MLLT3: variants seen among roughly 807,000 people sequenced by gnomAD.
MLLT3 encodes the protein MLLT3 super elongation complex subunit.
Under a neutral mutation model 53.2 loss-of-function variants are expected in MLLT3, and 4 were observed. The ratio of observed to expected loss-of-function variants is 0.08; its 90% CI spans 0.04 to 0.17. The LOEUF is 0.17. Ranked by LOEUF, MLLT3 falls within the 10% of genes least tolerant of loss-of-function variation. The probability of loss-of-function intolerance (pLI) is 1.00; values close to 1 mark genes in which losing one functional copy is unlikely to be tolerated. For missense variants in MLLT3, 569 were observed against 684.0 expected (o/e 0.83, Z 1.87); for synonymous variants, 283 against 230.6 (o/e 1.23, Z -2.06).
At position 20,599,834 on chromosome 9, in the gene MLLT3, G is replaced by A. The variant is rs192637786; in HGVS notation, c.193+20820C>T. ...TATTCATAGGCCACATGGACCATGG[G>A]CAAGTTAGTTAATCTTCAGTCTTGG... On this transcript the variant is annotated intron_variant, in intron 2 of 10. Transcript: ENST00000380338. Among the ~76,000 whole-genome samples, 632 of 152,300 alleles carry A rather than the reference G, an allele frequency of 4.1e-3. 4 individuals carry two copies. The highest frequency in any genetic ancestry group is 0.014 in the Middle Eastern group (4 of 294).
Position 20,465,762 on chromosome 9 carries a change from C to A in MLLT3, c.194-8976G>T, listed in dbSNP as rs111996741. On this transcript the variant is annotated intron_variant, in intron 2 of 10. Coordinates refer to ENST00000380338, the MANE Select transcript of MLLT3 (RefSeq NM_004529.4). ...TTGTGAGCTCTACTTCTTTTTCCCC[C>A]CTGCATGGCATTTGGCATAGTGGTA... 2.0e-5 allele frequency among the ~76,000 whole-genome samples: 3 copies of A among 152,060 alleles called. No individual in the cohort carries two copies. In the South Asian group the frequency reaches 6.2e-4, roughly 31 times the overall value.
intron 6 of MLLT3, among the ~76,000 whole-genome samples, chr9:20,363,859 T>C (rs1821385322): frequency 6.6e-6 from 1 of 152,172 alleles, no homozygotes; most frequent in South Asian, 2.1e-4. Context: ...TTTCTGTGTA[T>C]TTTTCTTCCC....
intron 4 of MLLT3, among the ~76,000 whole-genome samples, chr9:20,426,041 C>T (rs1427150176): frequency 6.6e-6 from 1 of 151,900 alleles, no homozygotes; most frequent in Admixed American, 6.6e-5. Flanking sequence ...CTTGTTTCAG[C>T]TATGTTGTAC....
At chr9:20,569,576 C>T (rs1015162636) in intron 2 of MLLT3, among the ~76,000 whole-genome samples, 1 of 152,132 alleles carries the variant, frequency 6.6e-6, no homozygotes, top group African/African-American at 2.4e-5. Flanking sequence ...TTATAATATG[C>T]TTGATATTTC....
intron 4 of MLLT3, among the ~76,000 whole-genome samples, chr9:20,415,753 T>C (rs1237558333): frequency 1.3e-5 from 2 of 152,064 alleles, no homozygotes; most frequent in African/African-American, 4.8e-5. Context: ...ATCTACTTAT[T>C]GGGTATATGC....
intron 2 of MLLT3, among the ~76,000 whole-genome samples, chr9:20,497,670 G>A (rs1193267696): frequency 8.5e-5 from 13 of 152,102 alleles, no homozygotes; most frequent in Admixed American, 8.5e-4. Flanking sequence ...GTTTTATGAT[G>A]TGGAATTTCC....
chr9:20,348,244 C>A (rs527448578), intron 10 of MLLT3, among the ~76,000 whole-genome samples: 2 of 152,012 alleles, frequency 1.3e-5, no homozygotes, highest in Non-Finnish European at 2.9e-5. Flanking sequence ...TTTTTATTAA[C>A]GGAAGGCCGT....
At chr9:20,581,676 A>G (rs1819796079) in intron 2 of MLLT3, among the ~76,000 whole-genome samples, 1 of 152,210 alleles carries the variant, frequency 6.6e-6, no homozygotes, top group African/African-American at 2.4e-5. Context: ...CAGTTGATGA[A>G]GCACCTTAAA....
At chr9:20,476,679 T>A (rs555781349) in intron 2 of MLLT3, among the ~76,000 whole-genome samples, 10 of 152,280 alleles carry the variant, frequency 6.6e-5, no homozygotes, top group African/African-American at 2.4e-4. Flanking sequence ...ACCAACCTTC[T>A]AAGGATTTAA....
At chr9:20,569,104 C>T (rs372543678) in intron 2 of MLLT3, among the ~76,000 whole-genome samples, 34 of 152,198 alleles carry the variant, frequency 2.2e-4, no homozygotes, top group African/African-American at 7.7e-4. Flanking sequence ...TCCATGCTCA[C>T]GACCAAGGGG....
At chr9:20,513,747 C>T (rs574663789) in intron 2 of MLLT3, among the ~76,000 whole-genome samples, 8 of 152,106 alleles carry the variant, frequency 5.3e-5, no homozygotes, top group Non-Finnish European at 1.0e-4. Context: ...ACTGAGGAAC[C>T]GGGAGGAGGC....
At chr9:20,363,696 A>G (rs1039300968) in intron 6 of MLLT3, 91 bp from the exon 7 acceptor site, 1 of 1,198,252 alleles carries the variant, frequency 8.3e-7, no homozygotes, top group Non-Finnish European at 1.1e-6. Flanking sequence ...CCAGCACTGA[A>G]CACTGGTTAA....
chr9:20,364,578 T>C (rs1448899828), intron 6 of MLLT3, among the ~76,000 whole-genome samples: 2 of 152,216 alleles, frequency 1.3e-5, no homozygotes, highest in African/African-American at 4.8e-5. Context: ...CAATCTCACA[T>C]TCTGCAAAAC....
intron 2 of MLLT3, among the ~76,000 whole-genome samples, chr9:20,606,429 G>A (rs623828): frequency 0.27 from 41,457 of 151,912 alleles, 5,911 homozygotes; most frequent in Non-Finnish European, 0.32. Flanking sequence ...TCACCCACCC[G>A]TACTTTTAAA....
chr9:20,523,830 G>T (rs900659864), intron 2 of MLLT3, among the ~76,000 whole-genome samples: 2 of 152,060 alleles, frequency 1.3e-5, no homozygotes, highest in Non-Finnish European at 2.9e-5. Flanking sequence ...AATTTGCCAG[G>T]CATTGTGGAG....
Position 20,363,572 on chromosome 9 carries a change from G to C in MLLT3, c.1235C>G (p.Ser412Cys), listed in dbSNP as rs748352339. Residue 412 changes from serine (S) to cysteine (C), a missense_variant, in exon 7 of 11, where the codon TCT (serine) becomes TGT (cysteine). Ser to Cys is a moderately radical substitution (Grantham distance 112). Around this residue, in one of 5 missense-constraint regions of MLLT3, gnomAD observed 437 missense variants for 376.5 expected, o/e 1.16. Transcript: ENST00000380338. ...ATCTGATTCCTCCTCATTGTCATCA[G>C]AATGCAGATCTTTCATTATAGACCT... ...PLRSIMKDLH[S>C]DDNEEESDEV... 25 of 1,613,924 alleles carry C rather than the reference G, an allele frequency of 1.5e-5. No individual in the cohort carries two copies. Among genetic ancestry groups the C allele is most frequent in the Non-Finnish European group, 2.1e-5 (25 of 1,179,954 alleles).
intron 2 of MLLT3, among the ~76,000 whole-genome samples, chr9:20,540,621 A>T (rs761472566): frequency 6.6e-6 from 1 of 152,216 alleles, no homozygotes; most frequent in Non-Finnish European, 1.5e-5. Context: ...GCCATGTCTT[A>T]AGGCTGCACA....
chr9:20,596,514 A>C (rs1008006721), intron 2 of MLLT3, among the ~76,000 whole-genome samples: 1 of 152,166 alleles, frequency 6.6e-6, no homozygotes, highest in Non-Finnish European at 1.5e-5. Context: ...ACATGGTGAG[A>C]CCTTGTCTCT....
At chr9:20,376,304 A>G (rs988408757) in intron 5 of MLLT3, among the ~76,000 whole-genome samples, 1 of 152,172 alleles carries the variant, frequency 6.6e-6, no homozygotes, top group Non-Finnish European at 1.5e-5. Flanking sequence ...GATTAGAATC[A>G]TATTTAGCCT....
Sources: allele counts gnomAD v4.1 joint callset (sites outside exome capture counted in the v4.1 genomes callset), GRCh38; gene constraint gnomAD v4.1.1; regional missense constraint gnomAD v4.1.1; transcripts MANE v1.5; gene names NCBI Gene and HGNC (gene_info 2026-07-23, HGNC 2026-07-21).